DIP2C: variants seen among roughly 807,000 people sequenced by gnomAD.
DIP2C encodes disco-interacting protein 2 homolog C.
A neutral mutation model predicts 192.4 loss-of-function variants in DIP2C; 33 were observed. That is an observed-to-expected ratio of 0.17 (90% CI 0.13 to 0.23). The LOEUF (loss-of-function observed/expected upper bound fraction) is 0.23. DIP2C is among the 10% of genes least tolerant of loss of function. The probability of loss-of-function intolerance (pLI) is 1.00; values close to 1 mark genes in which losing one functional copy is unlikely to be tolerated. For synonymous variants in DIP2C, 979 were observed against 864.1 expected, an observed-to-expected ratio of 1.13 and a Z score of -2.33; for missense variants, 1,537 against 2,110.1, an observed-to-expected ratio of 0.73 and a Z score of 5.32.
At chr10:662,556 A>G (rs564823442) in intron 1 of DIP2C, among the ~76,000 whole-genome samples, 1 of 152,362 alleles carries the variant, frequency 6.6e-6, no homozygotes, top group East Asian at 1.9e-4. Context: ...CTTGTTACAC[A>G]TTACTTAAAC....
chr10:543,288 C>A (rs12252141), intron 1 of DIP2C, among the ~76,000 whole-genome samples: 3 of 152,156 alleles, frequency 2.0e-5, no homozygotes, highest in African/African-American at 4.8e-5. Flanking sequence ...GGGCAAGTGT[C>A]TGTGCAGGTG....
At chr10:372,683 AG>A (rs1239745167) in intron 17 of DIP2C, among the ~76,000 whole-genome samples, 1 of 149,618 alleles carries the variant, frequency 6.7e-6, no homozygotes, top group East Asian at 1.9e-4. Flanking sequence ...GAAGCGCAGG[AG>A]GTCCCGACAC....
intron 8 of DIP2C, among the ~76,000 whole-genome samples, chr10:410,119 C>G (rs1965090408): frequency 1.3e-5 from 2 of 152,168 alleles, no homozygotes. Context: ...GAATTAATTT[C>G]ATATCAGAAT....
intron 1 of DIP2C, among the ~76,000 whole-genome samples, chr10:586,241 T>G (rs1166354004): frequency 6.6e-6 from 1 of 152,222 alleles, no homozygotes; most frequent in African/African-American, 2.4e-5. Context: ...GCCCTGCAGA[T>G]GCTGAGAATG....
chr10:474,547 T>G (rs1037898041), intron 2 of DIP2C, among the ~76,000 whole-genome samples: 8 of 110,644 alleles, frequency 7.2e-5, no homozygotes, highest in African/African-American at 2.3e-4. Context: ...GGGCCACGCC[T>G]TTCTTCCCGC....
intron 32 of DIP2C, among the ~76,000 whole-genome samples, chr10:307,874 G>C (rs1012169992): frequency 6.6e-6 from 1 of 150,490 alleles, no homozygotes; most frequent in Non-Finnish European, 1.5e-5. Flanking sequence ...GGGTTCAGGG[G>C]TGCCTGGGCG....
chr10:484,780 C>A, intron 2 of DIP2C: 1 of 1,610,442 alleles, frequency 6.2e-7, no homozygotes, highest in Non-Finnish European at 8.5e-7. Flanking sequence ...GCAGCGCTCA[C>A]CGAAACGAAA....
intron 1 of DIP2C, among the ~76,000 whole-genome samples, chr10:619,524 A>AGGGCCAGGGCCAGGG (rs533671871): frequency 5.9e-5 from 4 of 68,174 alleles, no homozygotes; most frequent in South Asian, 6.2e-4. Flanking sequence ...CAGGGCCAGG[A>AGGGCCAGGGCCAGGG]CCAAGCCCGC....
At position 274,318 on chromosome 10, in the gene DIP2C, T is replaced by C. The variant is rs933542181; in HGVS notation, c.*3007A>G. 3.9e-5 allele frequency: 6 copies of C among 152,366 alleles called. No individual in the cohort carries two copies. The highest frequency in any genetic ancestry group is 3.4e-3 in the Middle Eastern group (1 of 294). The allele number at this position is 152,366 out of a possible 1,614,324, so 9.4% of individuals were successfully genotyped here. A position where few individuals can be genotyped will look rare whatever the true frequency, so the allele number is the denominator to read the frequency against. On this transcript the variant is annotated 3_prime_UTR_variant, in exon 37 of 37. Coordinates refer to ENST00000280886, the MANE Select transcript of DIP2C (RefSeq NM_014974.3). ...GCCCACATCAAAATTTAAACATTTT[T>C]CAAAGTATGATTATCTGTACTAAGT...
At chr10:566,747 G>A (rs2131498491) in intron 1 of DIP2C, among the ~76,000 whole-genome samples, 1 of 152,334 alleles carries the variant, frequency 6.6e-6, no homozygotes, top group South Asian at 2.1e-4. Context: ...TACAGCCGTG[G>A]CCCACGACTG....
rs150183905 is a variant in DIP2C, at chr10:363,876, C to T, written c.2477+498G>A. Among the ~76,000 whole-genome samples, 98 of 152,306 alleles carry T rather than the reference C, an allele frequency of 6.4e-4. No individual in the cohort carries two copies. Among genetic ancestry groups the T allele is most frequent in the African/African-American group, 2.3e-3 (94 of 41,578 alleles). The stretch of plus-strand genomic sequence containing the variant: ...CAAACTGAAAAAAGGCTCTAAAACA[C>T]TTTATGACTTCCTCCAGATTGGCAA... On this transcript the variant is annotated intron_variant, in intron 20 of 36. Transcript: ENST00000280886. This position sits in a 1 kb window ranked among gnomAD's most constrained non-coding sequence, Gnocchi z 5.4.
chr10:470,925 TCA>T (rs971614845), intron 3 of DIP2C, among the ~76,000 whole-genome samples: 2 of 152,102 alleles, frequency 1.3e-5, no homozygotes, highest in Admixed American at 6.5e-5. Context: ...TGTTGTGTGT[TCA>T]CAGACAGGGT....
At position 363,106 on chromosome 10, in the gene DIP2C, A is replaced by T; in HGVS notation, c.2592+91T>A. ...GGGAAAAAGGGCCACCCCATGGGCA[A>T]AGCAACAGCTGGTCACACCATGATC... On this transcript the variant is annotated intron_variant, in intron 21 of 36. Transcript: ENST00000280886. The surrounding 1 kb of genome is among the most constrained non-coding windows in gnomAD (Gnocchi z 5.4). 8.3e-7 allele frequency: 1 copy of T among 1,198,130 alleles called. No homozygotes were observed. The highest frequency in any genetic ancestry group is 1.2e-6 in the Non-Finnish European group (1 of 846,324). 74.2% of individuals were successfully genotyped at this position (1,198,130 alleles called of 1,614,324 possible).
At chr10:389,881 G>C in intron 13 of DIP2C, 110 bp downstream of exon 13, 2 of 844,988 alleles carry the variant, frequency 2.4e-6, no homozygotes, top group East Asian at 4.9e-5. Flanking sequence ...AGCGGAGCTG[G>C]GCACAAACTT....
At chr10:462,654 C>T (rs1259867160) in intron 3 of DIP2C, among the ~76,000 whole-genome samples, 1 of 152,114 alleles carries the variant, frequency 6.6e-6, no homozygotes, top group Non-Finnish European at 1.5e-5. Context: ...AAAAGAGGGG[C>T]TCCTCCCTAA....
chr10:337,130 CTG>C (rs138944577), intron 29 of DIP2C, among the ~76,000 whole-genome samples: 35 of 83,058 alleles, frequency 4.2e-4, no homozygotes, highest in Non-Finnish European at 5.5e-4. Context: ...GCCTAGGCAG[CTG>C]TGTGTGTGTG....
intron 2 of DIP2C, 141 bp from the exon 3 acceptor site, chr10:472,690 A>G: frequency 2.8e-6 from 2 of 716,590 alleles, no homozygotes; most frequent in East Asian, 2.7e-5. Context: ...CAGAGCCCAC[A>G]GACAGGAGGG....
At chr10:449,777 A>G (rs567254755) in intron 3 of DIP2C, among the ~76,000 whole-genome samples, 58 of 140,474 alleles carry the variant, frequency 4.1e-4, no homozygotes, top group African/African-American at 1.6e-3. Flanking sequence ...AACTTAAAGT[A>G]TAATTAAAAA....
At chr10:686,558 C>G (rs1048973850) in intron 1 of DIP2C, among the ~76,000 whole-genome samples, 3 of 152,258 alleles carry the variant, frequency 2.0e-5, no homozygotes, top group African/African-American at 7.2e-5. Flanking sequence ...AGATGACCCC[C>G]CTGGCCACAC....
Sources: allele counts gnomAD v4.1 joint callset (sites outside exome capture counted in the v4.1 genomes callset), GRCh38; gene constraint gnomAD v4.1.1; non-coding constraint Gnocchi (gnomAD v3.1); transcripts MANE v1.5; gene names NCBI Gene and HGNC (gene_info 2026-07-23, HGNC 2026-07-21).